Variants in MTUS2 observed in about 807,000 individuals in gnomAD.
MTUS2 encodes the protein microtubule-associated tumor suppressor candidate 2.
A neutral mutation model predicts 114.1 loss-of-function variants in MTUS2; 40 were observed. The ratio of observed to expected loss-of-function variants is 0.35; its 90% CI spans 0.27 to 0.46. The LOEUF (loss-of-function observed/expected upper bound fraction) is 0.46. Ranked by LOEUF, MTUS2 falls within the 20% of genes least tolerant of loss-of-function variation. The pLI is 1.00. For synonymous variants in MTUS2, 688 were observed against 672.0 expected, an observed-to-expected ratio of 1.02 and a Z score of -0.37; for missense variants, 1,679 against 1,705.4, an observed-to-expected ratio of 0.98 and a Z score of 0.27.
rs150772698 is a variant in MTUS2, at chr13:29,273,940, G to A, written c.2645-7764G>A. Among the ~76,000 whole-genome samples the A allele has an allele frequency of 2.6e-3, 392 of 152,144 alleles. 1 individual carries two copies. Among genetic ancestry groups the A allele is most frequent in the African/African-American group, 9.2e-3 (380 of 41,514 alleles). ...TCATCAGTCGATGGGGGGCCATTTG[G>A]GTAGTTTTCACTTTTTGACTTGTGA... On this transcript the variant is annotated intron_variant, in intron 5 of 15. Transcript: ENST00000612955.
At chr13:29,248,030 A>G (rs1342530481) in intron 5 of MTUS2, among the ~76,000 whole-genome samples, 1 of 152,270 alleles carries the variant, frequency 6.6e-6, no homozygotes, top group Non-Finnish European at 1.5e-5. Context: ...GTGAATAAGC[A>G]GAATGTGACA....
intron 5 of MTUS2, among the ~76,000 whole-genome samples, chr13:29,224,128 G>A (rs1340325935): frequency 6.6e-6 from 1 of 152,244 alleles, no homozygotes; most frequent in South Asian, 2.1e-4. Context: ...GGTTGAGTGG[G>A]TGGAACGAGC....
intron 2 of MTUS2, among the ~76,000 whole-genome samples, chr13:28,960,897 A>G (rs1256756819): frequency 6.6e-6 from 1 of 152,166 alleles, no homozygotes; most frequent in Non-Finnish European, 1.5e-5. Context: ...TCAAAAGGAA[A>G]TTACAGGCAC....
intron 4 of MTUS2, among the ~76,000 whole-genome samples, chr13:29,037,222 T>C (rs1287662262): frequency 6.6e-6 from 1 of 152,240 alleles, no homozygotes; most frequent in African/African-American, 2.4e-5. Flanking sequence ...ACACAATCTC[T>C]CAGCATTTGC....
upstream of MTUS2, among the ~76,000 whole-genome samples, chr13:28,819,997 G>A (rs921618083): frequency 1.4e-5 from 2 of 147,174 alleles, no homozygotes; most frequent in Admixed American, 6.7e-5. Context: ...GGGGGTGCGC[G>A]CATCAGCTGC....
chr13:29,146,266 C>T (rs749730308), intron 5 of MTUS2, among the ~76,000 whole-genome samples: 2 of 152,190 alleles, frequency 1.3e-5, no homozygotes, highest in Non-Finnish European at 2.9e-5. Flanking sequence ...CTGGACCTAT[C>T]TGTATTTTAG....
intron 2 of MTUS2, among the ~76,000 whole-genome samples, chr13:28,989,673 G>C (rs944756511): frequency 6.6e-6 from 1 of 152,108 alleles, no homozygotes; most frequent in Admixed American, 6.5e-5. Context: ...GAGGGTGGAC[G>C]GCAGCCACCT....
At position 29,178,013 on chromosome 13, in the gene MTUS2, T is replaced by C. The variant is rs572609536; in HGVS notation, c.2644+77043T>C. 1.5e-4 allele frequency among the ~76,000 whole-genome samples: 23 copies of C among 152,250 alleles called. No homozygotes were observed. In the East Asian group the frequency reaches 4.4e-3, roughly 29 times the overall value. ...AGGATCCAAGGGTCTTGGCAACACATAAAATGTCAAGTCCTAGAGCTGCAT... is the reference window on the plus strand; with the variant it reads ...AGGATCCAAGGGTCTTGGCAACACACAAAATGTCAAGTCCTAGAGCTGCAT... On this transcript the variant is annotated intron_variant, in intron 5 of 15. Coordinates refer to ENST00000612955, the MANE Select transcript of MTUS2 (RefSeq NM_001033602.4).
At chr13:29,456,921 A>G (rs1320918558) in intron 9 of MTUS2, among the ~76,000 whole-genome samples, 1 of 151,856 alleles carries the variant, frequency 6.6e-6, no homozygotes, top group Non-Finnish European at 1.5e-5. Flanking sequence ...GCGAATCACG[A>G]GGTCAGGAGA....
intron 1 of MTUS2, among the ~76,000 whole-genome samples, chr13:28,829,652 C>A (rs1045539375): frequency 6.6e-6 from 1 of 152,200 alleles, no homozygotes; most frequent in African/African-American, 2.4e-5. Context: ...CTAGAAGCTT[C>A]TTAAAAAACT....
intron 4 of MTUS2, among the ~76,000 whole-genome samples, chr13:29,059,850 C>T (rs1888327374): frequency 6.6e-6 from 1 of 152,212 alleles, no homozygotes; most frequent in Admixed American, 6.5e-5. Flanking sequence ...ATCTAGCTAC[C>T]ACTGGCAAGG....
chr13:28,976,675 G>A (rs1884122350), intron 2 of MTUS2, among the ~76,000 whole-genome samples: 1 of 152,112 alleles, frequency 6.6e-6, no homozygotes, highest in Non-Finnish European at 1.5e-5. Flanking sequence ...AAAATAAGTA[G>A]GACATTTTTT....
At chr13:29,102,232 G>A (rs1255567674) in intron 5 of MTUS2, among the ~76,000 whole-genome samples, 1 of 152,136 alleles carries the variant, frequency 6.6e-6, no homozygotes, top group Non-Finnish European at 1.5e-5. Context: ...GAAAATACAG[G>A]AGCAACTATT....
intron 5 of MTUS2, among the ~76,000 whole-genome samples, chr13:29,232,872 G>A (rs1410974811): frequency 1.3e-5 from 2 of 152,224 alleles, no homozygotes; most frequent in East Asian, 1.9e-4. Context: ...GGGAGTGAAA[G>A]CATTCCTCAC....
intron 8 of MTUS2, among the ~76,000 whole-genome samples, chr13:29,375,603 ATATACGT>A (rs1182887890): frequency 1.1e-3 from 5 of 4,382 alleles, no homozygotes; most frequent in African/African-American, 1.9e-3. Flanking sequence ...ATATATATAT[ATATACGT>A]ATATATATAT....
chr13:29,254,681 T>C (rs1268515668), intron 5 of MTUS2, among the ~76,000 whole-genome samples: 1 of 152,268 alleles, frequency 6.6e-6, no homozygotes, highest in African/African-American at 2.4e-5. Flanking sequence ...CTCTCCCATC[T>C]CATAAACCTC....
At chr13:29,001,883 G>A (rs189136166) in intron 2 of MTUS2, among the ~76,000 whole-genome samples, 1 of 152,276 alleles carries the variant, frequency 6.6e-6, no homozygotes, top group African/African-American at 2.4e-5. Context: ...GGACTGATGT[G>A]CTTTGAAATA....
intron 8 of MTUS2, among the ~76,000 whole-genome samples, chr13:29,397,043 G>A (rs925525374): frequency 6.6e-6 from 1 of 152,206 alleles, no homozygotes; most frequent in African/African-American, 2.4e-5. Context: ...CTATAAGGGA[G>A]TAAGGGAAGC....
intron 2 of MTUS2, among the ~76,000 whole-genome samples, chr13:28,873,009 A>C (rs1877715359): frequency 6.6e-6 from 1 of 152,254 alleles, no homozygotes; most frequent in Non-Finnish European, 1.5e-5. Context: ...AGAAACAATG[A>C]AAGTTAGAAG....
Sources: allele counts gnomAD v4.1 joint callset (sites outside exome capture counted in the v4.1 genomes callset), GRCh38; gene constraint gnomAD v4.1.1; transcripts MANE v1.5; gene names NCBI Gene and HGNC (gene_info 2026-07-23, HGNC 2026-07-21).